PDZRN4: variants seen among roughly 807,000 people sequenced by gnomAD.
PDZRN4 encodes the protein PDZ domain-containing RING finger protein 4.
Under a neutral mutation model 99.0 loss-of-function variants are expected in PDZRN4, and 70 were observed. The observed-to-expected ratio is 0.71, with a 90% CI of 0.58 to 0.86. The LOEUF is 0.86. Ranked by LOEUF, PDZRN4 falls within the 40% of genes least tolerant of loss-of-function variation. PDZRN4 has a pLI of 0.00. For synonymous variants in PDZRN4, 551 were observed against 501.6 expected (o/e 1.10, Z -1.32); for missense variants, 1,474 against 1,331.2 (o/e 1.11, Z -1.67).
intron 3 of PDZRN4, among the ~76,000 whole-genome samples, chr12:41,448,835 G>A (rs1311302972): frequency 1.3e-5 from 2 of 152,102 alleles, no homozygotes; most frequent in Non-Finnish European, 2.9e-5. Context: ...CATATTGACT[G>A]CAAGCTATAT....
rs541969978 is a variant in PDZRN4, at chr12:41,385,651, A to G, written c.844-120805A>G. Among the ~76,000 whole-genome samples the G allele has an allele frequency of 7.0e-4, 106 of 152,298 alleles. 1 individual carries two copies. The highest frequency in any genetic ancestry group is 2.5e-3 in the African/African-American group (104 of 41,578). ...AACTGAATCGCTGAAGAGAGCAACAATGAGCTCTGAAATTTAGTTAGTAAT... is the reference window on the plus strand; with the variant it reads ...AACTGAATCGCTGAAGAGAGCAACAGTGAGCTCTGAAATTTAGTTAGTAAT... On this transcript the variant is annotated intron_variant, in intron 3 of 9. Transcript: ENST00000402685.
intron 3 of PDZRN4, among the ~76,000 whole-genome samples, chr12:41,316,036 T>C (rs932911165): frequency 6.6e-6 from 1 of 152,102 alleles, no homozygotes; most frequent in Non-Finnish European, 1.5e-5. Context: ...GAGAGGCAAA[T>C]CCTTCAGAAA....
intron 4 of PDZRN4, among the ~76,000 whole-genome samples, chr12:41,507,823 C>A (rs1039171384): frequency 1.4e-5 from 2 of 147,456 alleles, no homozygotes; most frequent in African/African-American, 5.2e-5. Flanking sequence ...GTATCAGACA[C>A]AAATTGGATG....
At chr12:41,429,087 G>A (rs540256059) in intron 3 of PDZRN4, among the ~76,000 whole-genome samples, 89 of 152,276 alleles carry the variant, frequency 5.8e-4, no homozygotes, top group African/African-American at 2.1e-3. Flanking sequence ...AGTCCCAATG[G>A]AAACGTCAGT....
At chr12:41,285,410 G>A (rs1951416451) in intron 3 of PDZRN4, among the ~76,000 whole-genome samples, 1 of 152,140 alleles carries the variant, frequency 6.6e-6, no homozygotes, top group Non-Finnish European at 1.5e-5. Flanking sequence ...GTTGACGAGA[G>A]TGTAAATTAG....
At chr12:41,208,612 G>A (rs573950151) in intron 3 of PDZRN4, among the ~76,000 whole-genome samples, 33 of 151,896 alleles carry the variant, frequency 2.2e-4, no homozygotes, top group African/African-American at 7.2e-4. Flanking sequence ...TTCCTTACAC[G>A]GAAGTGGTTT....
At chr12:41,515,440 A>G (rs1187031751) in intron 5 of PDZRN4, among the ~76,000 whole-genome samples, 1 of 152,032 alleles carries the variant, frequency 6.6e-6, no homozygotes, top group Admixed American at 6.6e-5. Flanking sequence ...ATCCATTAAA[A>G]AAATCACCTT....
chr12:41,450,125 T>G (rs1337322347), intron 3 of PDZRN4, among the ~76,000 whole-genome samples: 1 of 152,148 alleles, frequency 6.6e-6, no homozygotes, highest in African/African-American at 2.4e-5. Flanking sequence ...TTTTTAAAAC[T>G]TTAAGCTTTA....
At chr12:41,435,003 C>G (rs1952616367) in intron 3 of PDZRN4, among the ~76,000 whole-genome samples, 1 of 152,148 alleles carries the variant, frequency 6.6e-6, no homozygotes, top group South Asian at 2.1e-4. Context: ...TTATGAATCT[C>G]CCTTTTCCAA....
At chr12:41,325,838 C>A (rs760650118) in intron 3 of PDZRN4, among the ~76,000 whole-genome samples, 6 of 152,138 alleles carry the variant, frequency 3.9e-5, no homozygotes, top group Non-Finnish European at 5.9e-5. Flanking sequence ...ACTTAAAGTG[C>A]ATGTCTTGGA....
chr12:41,462,313 A>C (rs1393460695), intron 3 of PDZRN4, among the ~76,000 whole-genome samples: 1 of 152,336 alleles, frequency 6.6e-6, no homozygotes. Flanking sequence ...GGAGTCATTC[A>C]AGTGCTGAGC....
chr12:41,270,286 G>GGTGT (rs35708361), intron 3 of PDZRN4, among the ~76,000 whole-genome samples: 6 of 145,546 alleles, frequency 4.1e-5, no homozygotes, highest in South Asian at 2.1e-4. Context: ...CTGTGTGTGT[G>GGTGT]GTGTGTGTGT....
At chr12:41,566,295 A>G (rs10785271) in intron 8 of PDZRN4, among the ~76,000 whole-genome samples, 49,043 of 152,034 alleles carry the variant, frequency 0.32, 8,678 homozygotes, top group Admixed American at 0.4. Flanking sequence ...TTTTGACCTG[A>G]TTAAAGAAAA....
chr12:41,566,832 A>T (rs1939380269), intron 8 of PDZRN4, among the ~76,000 whole-genome samples: 1 of 152,192 alleles, frequency 6.6e-6, no homozygotes, highest in African/African-American at 2.4e-5. Context: ...AGGGTGATGC[A>T]GAGTTTTGAC....
At chr12:41,335,866 G>A (rs1951770039) in intron 3 of PDZRN4, among the ~76,000 whole-genome samples, 1 of 152,052 alleles carries the variant, frequency 6.6e-6, no homozygotes, top group Non-Finnish European at 1.5e-5. Flanking sequence ...CATATTTTAT[G>A]CTTTTGTTGT....
intron 1 of PDZRN4, among the ~76,000 whole-genome samples, chr12:41,189,614 C>A (rs1950722963): frequency 6.6e-6 from 1 of 152,164 alleles, no homozygotes; most frequent in African/African-American, 2.4e-5. Context: ...GCTGCCACTG[C>A]CTGAATCAAC....
chr12:41,233,681 T>G (rs1028914757), intron 3 of PDZRN4, among the ~76,000 whole-genome samples: 3 of 151,596 alleles, frequency 2.0e-5, no homozygotes, highest in Admixed American at 1.3e-4. Flanking sequence ...AGCAAACTAT[T>G]GCAAGGACAA....
intron 5 of PDZRN4, among the ~76,000 whole-genome samples, chr12:41,543,708 T>C (rs1178074430): frequency 1.3e-5 from 2 of 152,182 alleles, no homozygotes; most frequent in Non-Finnish European, 2.9e-5. Context: ...GATAAAGCTT[T>C]GAGCTACTCC....
intron 2 of PDZRN4, among the ~76,000 whole-genome samples, chr12:41,192,316 G>T (rs1315109598): frequency 6.6e-6 from 1 of 151,906 alleles, no homozygotes; most frequent in Non-Finnish European, 1.5e-5. Context: ...GGCAAAGCTG[G>T]TCTCGAACTC....
Sources: allele counts gnomAD v4.1 joint callset (sites outside exome capture counted in the v4.1 genomes callset), GRCh38; gene constraint gnomAD v4.1.1; transcripts MANE v1.5; gene names NCBI Gene and HGNC (gene_info 2026-07-23, HGNC 2026-07-21).